The following GBP6 variants were observed in gnomAD, a reference collection of about 807,000 sequenced individuals.
GBP6 encodes the protein guanylate-binding protein 6.
In GBP6, 54 loss-of-function variants were observed where a neutral mutation model predicts 61.5. That is an observed-to-expected ratio of 0.88 (90% CI 0.71 to 1.10). GBP6 has a LOEUF of 1.10. Among genes scored for constraint, GBP6 ranks in the 50% least tolerant of loss-of-function variants. The probability of loss-of-function intolerance (pLI) is 0.00; values close to 1 mark genes in which losing one functional copy is unlikely to be tolerated. For missense variants in GBP6, 748 were observed against 752.8 expected, an observed-to-expected ratio of 0.99 and a Z score of 0.07; for synonymous variants, 255 against 273.7, an observed-to-expected ratio of 0.93 and a Z score of 0.67.
chr1:89,366,094 AT>A (rs1652458923), intron 1 of GBP6, among the ~76,000 whole-genome samples: 1 of 152,182 alleles, frequency 6.6e-6, no homozygotes, highest in Admixed American at 6.5e-5. Flanking sequence ...ATTAAATCCC[AT>A]ATGCCTTTCA....
rs1207463975 is a variant in GBP6 at position 89,378,500 on chromosome 1, G to A, written c.512G>A (p.Ser171Asn). The A allele has an allele frequency of 4.5e-5, 72 of 1,614,014 alleles. No individual in the cohort carries two copies. Among genetic ancestry groups the A allele is most frequent in the Non-Finnish European group, 6.1e-5 (72 of 1,179,988 alleles). The change falls in exon 5 of 11, where the codon AGT (serine) becomes AAT (asparagine). Residue 171 changes from serine to asparagine, a missense_variant. Ser to Asn is a conservative substitution (Grantham distance 46). Transcript: ENST00000370456. ...DGVEDSTEFV[S>N]FFPDFLWTVR... Reference sequence around the variant, plus strand: ...GTAGAAGATTCCACAGAGTTTGTGAGTTTCTTCCCAGACTTTCTTTGGACA... The same window carrying A: ...GTAGAAGATTCCACAGAGTTTGTGAATTTCTTCCCAGACTTTCTTTGGACA...
At chr1:89,380,772 A>G (rs371918356) in intron 6 of GBP6, 141 bp downstream of exon 6, 14 of 712,210 alleles carry the variant, frequency 2.0e-5, no homozygotes, top group African/African-American at 8.9e-5. Context: ...AAATGTGTAT[A>G]ATTATCACAC....
At chr1:89,383,867 C>A in intron 9 of GBP6, 113 bp downstream of exon 9, 1 of 913,244 alleles carries the variant, frequency 1.1e-6, no homozygotes, top group Non-Finnish European at 1.7e-6. Flanking sequence ...GTGGAACACA[C>A]ACTCTGCTAA....
rs551528542 is a variant in GBP6 at position 89,381,254 on chromosome 1, C to T, written c.872-440C>T. On this transcript the variant is annotated intron_variant, in intron 6 of 10. Coordinates refer to ENST00000370456, the MANE Select transcript of GBP6 (RefSeq NM_198460.3). Reference sequence around the variant, plus strand: ...GAGCCGAGATCACACCACTGCACTCCAGCCTGGGCCTCAAAAAAAAAAAAA... The same window carrying T: ...GAGCCGAGATCACACCACTGCACTCTAGCCTGGGCCTCAAAAAAAAAAAAA... Among the ~76,000 whole-genome samples, 143 of 135,980 alleles carry T rather than the reference C, an allele frequency of 1.1e-3. 1 individual carries two copies. Among genetic ancestry groups the T allele is most frequent in the African/African-American group, 3.8e-3 (130 of 34,242 alleles). The allele number at this position is 135,980 out of a possible 152,430, so 89.2% of individuals were successfully genotyped here.
chr1:89,380,130 C>T (rs1652922543), intron 5 of GBP6, among the ~76,000 whole-genome samples: 1 of 152,120 alleles, frequency 6.6e-6, no homozygotes, highest in Non-Finnish European at 1.5e-5. Context: ...AGAGCAAGAC[C>T]TCGTTTCGAA....
intron 5 of GBP6, 66 bp from the exon 6 acceptor site, chr1:89,380,320 A>C: frequency 6.8e-7 from 1 of 1,467,942 alleles, no homozygotes; most frequent in East Asian, 2.3e-5. Context: ...CCCTATCAAA[A>C]ATACCTTTAG....
intron 1 of GBP6, among the ~76,000 whole-genome samples, 187 bp from the exon 2 acceptor site, chr1:89,368,342 T>G (rs975395870): frequency 2.0e-5 from 3 of 152,222 alleles, no homozygotes; most frequent in African/African-American, 7.2e-5. Flanking sequence ...GAAGATAATG[T>G]TCCATGTTTC....
Position 89,369,614 on chromosome 1 carries a change from T to A in GBP6, c.259T>A (p.Ser87Thr), listed in dbSNP as rs1175198853. 1 of 1,614,076 alleles carries A rather than the reference T, an allele frequency of 6.2e-7. No homozygotes were observed. Among genetic ancestry groups the A allele is most frequent in the Non-Finnish European group, 8.5e-7 (1 of 1,179,952 alleles). Residue 87 changes from serine to threonine, a missense_variant, in exon 3 of 11, where the codon TCC becomes ACC. Physicochemically the swap from Ser to Thr is moderately conservative, Grantham distance 58. Transcript: ENST00000370456. Reference protein sequence around the residue: ...GIWMWCVPHPSKPNHTLVLLD... With the variant: ...GIWMWCVPHPTKPNHTLVLLD... The stretch of plus-strand genomic sequence containing the variant: ...CTGGATGTGGTGCGTGCCCCACCCA[T>A]CCAAGCCAAACCACACCCTGGTCCT...
At chr1:89,369,391 T>C (rs891162954) in intron 2 of GBP6, among the ~76,000 whole-genome samples, 155 bp from the exon 3 acceptor site, 13 of 152,214 alleles carry the variant, frequency 8.5e-5, no homozygotes, top group Non-Finnish European at 1.8e-4. Context: ...CTTTTTTATA[T>C]AGATTATTCA....
At chr1:89,369,125 C>T (rs557268668) in intron 2 of GBP6, among the ~76,000 whole-genome samples, 1 of 152,330 alleles carries the variant, frequency 6.6e-6, no homozygotes, top group South Asian at 2.1e-4. Flanking sequence ...TCCCATGTGG[C>T]CACCAACTTC....
At position 89,380,441 on chromosome 1, in the gene GBP6, C is replaced by T. The variant is rs1429938719; in HGVS notation, c.681C>T (p.Phe227=). 6.2e-7 allele frequency: 1 copy of T among 1,614,022 alleles called. No homozygotes were observed. The highest frequency in any genetic ancestry group is 2.2e-5 in the East Asian group (1 of 44,868). Residue 227 remains phenylalanine, a synonymous_variant, in exon 6 of 11, where the codon TTC becomes TTT. Transcript: ENST00000370456. ...TTCCCAGGGAGTGCATCAGGCGTTT[C>T]TTTCCAAAACGGAAGTGTTTCGTCT... ...SNFPRECIRR[F]FPKRKCFVFD...
chr1:89,378,769 C>T (rs1301356351), intron 5 of GBP6, among the ~76,000 whole-genome samples, 156 bp downstream of exon 5: 1 of 152,130 alleles, frequency 6.6e-6, no homozygotes, highest in Non-Finnish European at 1.5e-5. Context: ...AGGAATGGAG[C>T]CTAGTTCACT....
chr1:89,364,681 G>C (rs1652415037), intron 1 of GBP6, among the ~76,000 whole-genome samples: 1 of 148,888 alleles, frequency 6.7e-6, no homozygotes, highest in Admixed American at 6.7e-5. Context: ...GGAGGAGGGG[G>C]GTGTTAGTTT....
chr1:89,382,513 T>C lies in GBP6; in HGVS notation c.1153-151T>C. 3 of 652,304 alleles carry C rather than the reference T, an allele frequency of 4.6e-6. 1 individual carries two copies. The highest frequency in any genetic ancestry group is 3.8e-5 in the South Asian group (2 of 53,068). 40.4% of individuals were successfully genotyped at this position (652,304 alleles called of 1,614,324 possible). On this transcript the variant is annotated intron_variant, in intron 7 of 10. Transcript: ENST00000370456. The stretch of plus-strand genomic sequence containing the variant: ...AAGAGAATTTCTAGCATTGTAAATG[T>C]ATGAAGTTTTGTGTTTCTGATTCCA...
chr1:89,381,777 G>T lies in GBP6; in HGVS notation c.955G>T (p.Ala319Ser). ...TCTGGAGAATGCAGTGATAACTCTG[G>T]CCCAGCGTGAGAACTCAGCGGCCGT... is the stretch of plus-strand genomic sequence containing the variant. ...PCLENAVITLAQRENSAAVQR... is the reference protein window; with the variant it reads ...PCLENAVITLSQRENSAAVQR... The change falls in exon 7 of 11, where the codon GCC becomes TCC. Residue 319 changes from alanine to serine, a missense_variant. Ala to Ser is a moderately conservative substitution (Grantham distance 99). Transcript: ENST00000370456. The T allele has an allele frequency of 6.2e-7, 1 of 1,614,056 alleles. No homozygotes were observed.
intron 9 of GBP6, 85 bp downstream of exon 9, chr1:89,383,839 T>A: frequency 9.3e-7 from 1 of 1,077,742 alleles, no homozygotes; most frequent in Non-Finnish European, 1.4e-6. Context: ...CTTCCCAAAA[T>A]GAGGAATTTC....
At chr1:89,371,049 C>T (rs549338427) in intron 3 of GBP6, among the ~76,000 whole-genome samples, 5 of 152,310 alleles carry the variant, frequency 3.3e-5, no homozygotes, top group Admixed American at 3.3e-4. Flanking sequence ...ATGAGTTTAA[C>T]TATTTGACTA....
chr1:89,368,534 T>C lies in GBP6; in HGVS notation c.-18T>C, dbSNP rs1035418746. 2.5e-6 allele frequency: 4 copies of C among 1,609,946 alleles called. No individual in the cohort carries two copies. In the African/African-American group the frequency reaches 4.0e-5, roughly 16 times the overall value. On this transcript the variant is annotated 5_prime_UTR_variant, in exon 2 of 11. Transcript: ENST00000370456. ...AACGTTATTTCTACTGGGAGGCTCTTCTAGGTTGGCAGTTGCCATGGAATC... is the reference window on the plus strand; with the variant it reads ...AACGTTATTTCTACTGGGAGGCTCTCCTAGGTTGGCAGTTGCCATGGAATC...
intron 3 of GBP6, among the ~76,000 whole-genome samples, chr1:89,372,649 A>G (rs1293135808): frequency 6.6e-6 from 1 of 152,190 alleles, no homozygotes; most frequent in Non-Finnish European, 1.5e-5. Context: ...CTTACACCTT[A>G]TACAAAAATT....
Sources: allele counts gnomAD v4.1 joint callset (sites outside exome capture counted in the v4.1 genomes callset), GRCh38; gene constraint gnomAD v4.1.1; transcripts MANE v1.5; gene names NCBI Gene and HGNC (gene_info 2026-07-23, HGNC 2026-07-21).